Variants in SEPTIN7 observed in about 807,000 individuals in gnomAD.
SEPTIN7 encodes the protein septin-7.
SEPTIN7 carries 10 observed loss-of-function variants against 63.3 expected under a neutral mutation model. That is an observed-to-expected ratio of 0.16 (90% CI 0.10 to 0.27). The LOEUF (loss-of-function observed/expected upper bound fraction) is 0.27. Among genes scored for constraint, SEPTIN7 ranks in the 10% least tolerant of loss-of-function variants. The pLI is 1.00. For missense variants in SEPTIN7, 310 were observed against 521.0 expected (o/e 0.59, Z 3.94); for synonymous variants, 131 against 165.3 (o/e 0.79, Z 1.59).
chr7:35,866,891 AAC>A (rs1348937590), intron 4 of SEPTIN7, among the ~76,000 whole-genome samples: 2 of 152,206 alleles, frequency 1.3e-5, no homozygotes, highest in African/African-American at 2.4e-5. Context: ...GGCTTGTCGA[AAC>A]ACAGATTGCT....
downstream of SEPTIN7, among the ~76,000 whole-genome samples, chr7:35,910,975 T>C (rs573649194): frequency 8.2e-4 from 125 of 152,290 alleles, no homozygotes; most frequent in African/African-American, 2.8e-3. Flanking sequence ...TCAAGACACC[T>C]GAAACCTTAT....
At chr7:35,915,109 G>A in the SEPTIN7 span, among the ~76,000 whole-genome samples, 1 of 134,834 alleles carries the variant, frequency 7.4e-6, no homozygotes, top group South Asian at 2.8e-4. Flanking sequence ...GTACACAGGT[G>A]CATGTATACA....
rs151100046 is a variant in SEPTIN7, at chr7:35,871,904, A to G, written c.277-762A>G. 2.0e-5 allele frequency among the ~76,000 whole-genome samples: 3 copies of G among 152,310 alleles called. No homozygotes were observed. The East Asian group carries it at 5.8e-4, about 29-fold the overall frequency. The stretch of plus-strand genomic sequence containing the variant: ...TAACAGCAGCATATGCCCAGGATGA[A>G]TGATAATACATCTTCTGATACAGAG... On this transcript the variant is annotated intron_variant, in intron 4 of 13. Coordinates refer to ENST00000350320, the MANE Select transcript of SEPTIN7 (RefSeq NM_001788.6).
intron 1 of SEPTIN7, chr7:35,812,004 G>A (rs1326828055): frequency 1.0e-5 from 2 of 196,882 alleles, no homozygotes; most frequent in South Asian, 5.5e-5. Context: ...GTTGGTGCCT[G>A]TAATCCCAGT....
intron 3 of SEPTIN7, among the ~76,000 whole-genome samples, chr7:35,861,880 G>A (rs13437988): frequency 0.33 from 49,570 of 152,014 alleles, 8,319 homozygotes; most frequent in East Asian, 0.4. Flanking sequence ...GAAGGGGTGG[G>A]ACAAGATCAC....
chr7:35,823,009 CT>C (rs1562747832), intron 1 of SEPTIN7, among the ~76,000 whole-genome samples: 1 of 152,012 alleles, frequency 6.6e-6, no homozygotes, highest in South Asian at 2.1e-4. Flanking sequence ...TTGAGCCATC[CT>C]TTTTTTTCTC....
At chr7:35,890,580 T>G in intron 10 of SEPTIN7, 88 bp from the exon 11 acceptor site, 1 of 1,215,814 alleles carries the variant, frequency 8.2e-7, no homozygotes, top group Non-Finnish European at 1.1e-6. Flanking sequence ...TTTGTTTTGG[T>G]AAAATTTTGA....
chr7:35,831,709 G>T, intron 2 of SEPTIN7: 2 of 229,038 alleles, frequency 8.7e-6, no homozygotes, highest in South Asian at 5.0e-5. Context: ...CATTTTAATG[G>T]GCTTCGTTTT....
At chr7:35,915,685 G>A in the SEPTIN7 span, among the ~76,000 whole-genome samples, 2 of 152,188 alleles carry the variant, frequency 1.3e-5, no homozygotes, top group Admixed American at 6.5e-5. Context: ...CATATCCACC[G>A]CAAACAGGCC....
intron 1 of SEPTIN7, among the ~76,000 whole-genome samples, chr7:35,823,502 C>G (rs1405448661): frequency 6.6e-6 from 1 of 152,150 alleles, no homozygotes; most frequent in African/African-American, 2.4e-5. Flanking sequence ...TGCCCAGCAA[C>G]TTATTTTTTT....
At chr7:35,882,302 T>TA (rs148408656) in intron 7 of SEPTIN7, among the ~76,000 whole-genome samples, 182 bp from the exon 8 acceptor site, 25,675 of 140,364 alleles carry the variant, frequency 0.18, 2,289 homozygotes, top group Middle Eastern at 0.26. Flanking sequence ...ACTTCATAGT[T>TA]AAAAAAAAAA....
At chr7:35,823,824 C>T (rs920019764) in intron 1 of SEPTIN7, among the ~76,000 whole-genome samples, 3 of 152,116 alleles carry the variant, frequency 2.0e-5, no homozygotes, top group Non-Finnish European at 4.4e-5. Flanking sequence ...GTTGCTGTTT[C>T]ACATCTTTAC....
chr7:35,853,696 T>G lies in SEPTIN7; in HGVS notation c.170-9856T>G, dbSNP rs564483160. Among the ~76,000 whole-genome samples, 304 of 152,348 alleles carry G rather than the reference T, an allele frequency of 2.0e-3. 1 individual carries two copies. Among genetic ancestry groups the G allele is most frequent in the African/African-American group, 7.0e-3 (291 of 41,578 alleles). The stretch of plus-strand genomic sequence containing the variant: ...CATGTAAAGTGCCTAGCTCAATGTC[T>G]TTCTTATAGTTATTGAATAAAAATA... On this transcript the variant is annotated intron_variant, in intron 3 of 13. Coordinates refer to ENST00000350320, the MANE Select transcript of SEPTIN7 (RefSeq NM_001788.6).
chr7:35,857,862 C>T (rs1309061207), intron 3 of SEPTIN7, among the ~76,000 whole-genome samples: 1 of 151,122 alleles, frequency 6.6e-6, no homozygotes, highest in East Asian at 1.9e-4. Flanking sequence ...TCACTGTTTC[C>T]AAAAAGGAAA....
chr7:35,876,617 A>G (rs1208882055), intron 6 of SEPTIN7, among the ~76,000 whole-genome samples: 1 of 152,202 alleles, frequency 6.6e-6, no homozygotes, highest in African/African-American at 2.4e-5. Context: ...CAGGAGGACC[A>G]TTGCTTGAGG....
intron 10 of SEPTIN7, among the ~76,000 whole-genome samples, chr7:35,887,360 A>T (rs1562579261): frequency 6.6e-6 from 1 of 152,186 alleles, no homozygotes; most frequent in East Asian, 1.9e-4. Flanking sequence ...GCCAGAGGCT[A>T]CTTTGTTGAG....
chr7:35,818,842 T>G (rs115986859), intron 1 of SEPTIN7, among the ~76,000 whole-genome samples: 3 of 152,116 alleles, frequency 2.0e-5, no homozygotes, highest in African/African-American at 7.2e-5. Context: ...TTTTAGTAAT[T>G]TGAGTGTTCT....
chr7:35,812,842 A>G (rs147081751), intron 1 of SEPTIN7, among the ~76,000 whole-genome samples: 324 of 152,336 alleles, frequency 2.1e-3, no homozygotes, highest in Non-Finnish European at 3.7e-3. Context: ...TCTATTATTT[A>G]TAGTATTGGC....
intron 3 of SEPTIN7, among the ~76,000 whole-genome samples, chr7:35,836,556 T>C (rs1018977337): frequency 6.6e-6 from 1 of 152,154 alleles, no homozygotes; most frequent in East Asian, 1.9e-4. Flanking sequence ...TATTTTTTTT[T>C]CCAGTGGGAG....
Sources: allele counts gnomAD v4.1 joint callset (sites outside exome capture counted in the v4.1 genomes callset), GRCh38; gene constraint gnomAD v4.1.1; transcripts MANE v1.5; gene names NCBI Gene and HGNC (gene_info 2026-07-23, HGNC 2026-07-21).